COL6A1: variants seen among roughly 807,000 people sequenced by gnomAD.
COL6A1 encodes collagen alpha-1(VI) chain.
A neutral mutation model predicts 145.6 loss-of-function variants in COL6A1; 80 were observed. That is an observed-to-expected ratio of 0.55 (90% CI 0.46 to 0.66). The LOEUF (loss-of-function observed/expected upper bound fraction) is 0.66. COL6A1 is among the 30% of genes least tolerant of loss of function. COL6A1 has a pLI of 0.00. For synonymous variants in COL6A1, 638 were observed against 622.8 expected (o/e 1.02, Z -0.36); for missense variants, 1,364 against 1,473.8 (o/e 0.93, Z 1.22).
At chr21:45,996,850 A>G (rs2077807455) in intron 20 of COL6A1, among the ~76,000 whole-genome samples, 1 of 152,174 alleles carries the variant, frequency 6.6e-6, no homozygotes. Context: ...GGGGGACCCA[A>G]GGAAGTCCAG....
chr21:45,989,844 T>G, intron 11 of COL6A1, 66 bp downstream of exon 11: 1 of 1,599,432 alleles, frequency 6.3e-7, no homozygotes, highest in Non-Finnish European at 8.6e-7. Context: ...GACGAGGGTG[T>G]CCCCGGGGAT....
At chr21:45,993,524 G>A (rs1026234660) in intron 19 of COL6A1, among the ~76,000 whole-genome samples, 9 of 152,246 alleles carry the variant, frequency 5.9e-5, no homozygotes, top group African/African-American at 1.4e-4. Context: ...CCCCTTGTCC[G>A]AGAATCAAGA....
rs777378283 is a variant in COL6A1 at position 46,002,048 on chromosome 21, C to G, written c.2044C>G (p.Arg682Gly). The change falls in exon 31 of 35, where the codon CGG becomes GGG. Residue 682 changes from arginine to glycine, a missense_variant. Coordinates refer to ENST00000361866, the MANE Select transcript of COL6A1 (RefSeq NM_001848.3). The stretch of plus-strand genomic sequence containing the variant: ...CGTGAGCCTGCGCAGCCCCAGCATC[C>G]GGAACGTGCAGGAGCTCAAGGAGTG... ...EHVSLRSPSI[R>G]NVQELKEAIK... 2 of 1,612,110 alleles carry G rather than the reference C, an allele frequency of 1.2e-6. No individual in the cohort carries two copies. The highest frequency in any genetic ancestry group is 2.2e-5 in the South Asian group (2 of 90,852).
chr21:45,982,357 T>C (rs539090738), intron 1 of COL6A1, among the ~76,000 whole-genome samples: 101 of 151,584 alleles, frequency 6.7e-4, no homozygotes, highest in Non-Finnish European at 1.2e-3. Context: ...CCGTGAGGTC[T>C]CACTTGTCCG....
At chr21:45,998,819 T>G in intron 24 of COL6A1, 78 bp from the exon 25 acceptor site, 1 of 1,401,594 alleles carries the variant, frequency 7.1e-7, no homozygotes, top group Admixed American at 2.0e-5. Flanking sequence ...CTTATCTTTA[T>G]TTTTTTCCTT....
intron 33 of COL6A1, 70 bp downstream of exon 33, chr21:46,002,780 G>C: frequency 2.0e-6 from 3 of 1,475,756 alleles, no homozygotes; most frequent in Non-Finnish European, 2.8e-6. Flanking sequence ...GGCAGTCCCA[G>C]ATCTGCGTAG....
chr21:46,003,027 C>A, intron 33 of COL6A1, 93 bp from the exon 34 acceptor site: 1 of 1,579,270 alleles, frequency 6.3e-7, no homozygotes, highest in Non-Finnish European at 8.7e-7. Context: ...GGCACGGCCA[C>A]CCCTGTGCTC....
chr21:46,002,224 C>T lies in COL6A1; in HGVS notation c.2073C>T (p.Ile691=). The T allele has an allele frequency of 1.2e-6, 2 of 1,601,682 alleles. No individual in the cohort carries two copies. The highest frequency in any genetic ancestry group is 1.7e-6 in the Non-Finnish European group (2 of 1,177,040). The change falls in exon 32 of 35, where the codon ATC becomes ATT. Residue 691 remains isoleucine (I), a synonymous_variant. Transcript: ENST00000361866. ...CCTGCCCTTTGCTATGCAGAGCCAT[C>T]AAGAGCCTGCAGTGGATGGCGGGCG... ...IRNVQELKEA[I]KSLQWMAGGT...
Position 45,998,891 on chromosome 21 carries a change from C to T in COL6A1, c.1612-6C>T, listed in dbSNP as rs143812383. 5.3e-4 allele frequency: 820 copies of T among 1,554,024 alleles called. 7 individuals are homozygous for T. The African/African-American group carries it at 9.6e-3, about 18-fold the overall frequency. Reference sequence around the variant, plus strand: ...TTGTTAACCAAGTGCTCTCCCGTCACTGCAGGGCACGAAGGGCTACCCCGG... The same window carrying T: ...TTGTTAACCAAGTGCTCTCCCGTCATTGCAGGGCACGAAGGGCTACCCCGG... On this transcript the variant is annotated splice_region_variant and splice_polypyrimidine_tract_variant and intron_variant, in intron 24 of 34. Transcript: ENST00000361866.
chr21:45,997,102 G>A (rs2077809367), intron 20 of COL6A1, among the ~76,000 whole-genome samples: 1 of 150,298 alleles, frequency 6.7e-6, no homozygotes, highest in Non-Finnish European at 1.5e-5. Context: ...ATCTGGGACA[G>A]GCTTCACCCT....
intron 15 of COL6A1, among the ~76,000 whole-genome samples, chr21:45,991,268 C>T (rs987879219): frequency 2.0e-5 from 3 of 152,232 alleles, no homozygotes; most frequent in Non-Finnish European, 2.9e-5. Context: ...CCCTGCAGCC[C>T]GAGGGCCTTC....
intron 6 of COL6A1, 139 bp from the exon 7 acceptor site, chr21:45,987,360 A>C: frequency 6.8e-7 from 1 of 1,479,268 alleles, no homozygotes; most frequent in Non-Finnish European, 9.4e-7. Context: ...GTGTCTGCCC[A>C]TGTGCCTGGG....
In COL6A1 at chr21:46,000,504, C is replaced by T. The variant is rs4818812; in HGVS notation, c.1813+137C>T. 0.27 allele frequency: 317,002 copies of T among 1,189,394 alleles called. 44,351 individuals are homozygous for T. Among genetic ancestry groups the T allele is most frequent in the African/African-American group, 0.4 (26,441 of 66,162 alleles). The allele number at this position is 1,189,394 out of a possible 1,614,324, so 73.7% of individuals were successfully genotyped here. ...TCCTTGAGGAGGCTCCTCAGCCAGC[C>T]CCTACCGGCCTCCAAAGCCCTCCCA... On this transcript the variant is annotated intron_variant, in intron 28 of 34. Transcript: ENST00000361866.
rs1326314357 is a variant in COL6A1 at position 45,998,400 on chromosome 21, G to A, written c.1578G>A (p.Gly526=). The change falls in exon 24 of 35, where the codon GGG becomes GGA. Residue 526 remains glycine (G), a splice_region_variant and synonymous_variant. Transcript: ENST00000361866. ...NGTEGFPGFP[G]YPGNRGAPGI... ...ACTGCCCTGCTTTTCCATGACAGGG[G>A]TATCCGGGCAACAGGGGCGCTCCCG... 2.5e-6 allele frequency: 4 copies of A among 1,613,200 alleles called. No homozygotes were observed. In the Admixed American group the frequency reaches 6.7e-5, roughly 27 times the overall value.
rs1369742990 is a variant in COL6A1, at chr21:45,986,604, TG to T, written c.513del (p.Leu172TrpfsTer5). The T allele has an allele frequency of 3.2e-6, 5 of 1,558,948 alleles. No individual in the cohort carries two copies. The highest frequency in any genetic ancestry group is 3.5e-6 in the Non-Finnish European group (4 of 1,151,830). On this transcript the variant is annotated frameshift_variant, in exon 4 of 35. Transcript: ENST00000361866. LOFTEE classifies it high-confidence loss of function. The stretch of plus-strand genomic sequence containing the variant: ...CCCTGGAGGGCTACAAGGAACCCTG[TG>T]GGGGGCTGGAGGATGCTGTGAACGA... Reference protein sequence around the residue: ...HPLEGYKEPCGGLEDAVNEAK... With the variant: ...HPLEGYKEPCXGLEDAVNEAK...
intron 3 of COL6A1, among the ~76,000 whole-genome samples, chr21:45,984,890 G>T (rs1188915540): frequency 7.7e-6 from 1 of 129,180 alleles, no homozygotes; most frequent in Non-Finnish European, 1.7e-5. Context: ...ACAGAGACAG[G>T]CAGAGAGAGA....
chr21:46,000,832 C>T, intron 29 of COL6A1, 65 bp downstream of exon 29: 1 of 1,590,016 alleles, frequency 6.3e-7, no homozygotes, highest in Non-Finnish European at 8.6e-7. Context: ...GGCCTGGGTC[C>T]CACACATGTC....
Position 45,981,966 on chromosome 21 carries a change from T to C in COL6A1, c.97+19T>C, listed in dbSNP as rs559717823. The C allele has an allele frequency of 1.1e-5, 17 of 1,580,162 alleles. No individual in the cohort carries two copies. The Admixed American group carries it at 2.9e-4, about 27-fold the overall frequency. ...TTCCAGGGTGAGTGGTGGCTTGGGG[T>C]GCAGGCTCCAGACCCCCCGCTCTTT... is the stretch of plus-strand genomic sequence containing the variant. On this transcript the variant is annotated intron_variant, in intron 1 of 34. Coordinates refer to ENST00000361866, the MANE Select transcript of COL6A1 (RefSeq NM_001848.3).
rs1460202260 is a variant in COL6A1, at chr21:46,001,184, C to T, written c.1823-69C>T. ...TGTGGCAGCCAAGGAGGGGCCAGGG[C>T]GGTGGAGGGGAGGGGCCAGGGCACT... On this transcript the variant is annotated intron_variant, in intron 29 of 34. Coordinates refer to ENST00000361866, the MANE Select transcript of COL6A1 (RefSeq NM_001848.3). 2.9e-5 allele frequency: 46 copies of T among 1,568,586 alleles called. No individual in the cohort carries two copies. In the Admixed American group the frequency reaches 3.0e-4, roughly 10 times the overall value.
Sources: gnomAD v4.1 joint callset for allele counts (sites outside exome capture counted in the v4.1 genomes callset) on GRCh38, gnomAD v4.1.1 for gene constraint, MANE v1.5 for transcripts, NCBI Gene and HGNC (gene_info 2026-07-23, HGNC 2026-07-21) for gene names.